Variants in MARCHF11 observed in about 807,000 individuals in gnomAD.
MARCHF11 encodes the protein membrane associated ring-CH-type finger 11.
In MARCHF11, 29 loss-of-function variants were observed where a neutral mutation model predicts 37.3. The ratio of observed to expected loss-of-function variants is 0.78; its 90% confidence interval spans 0.58 to 1.06. MARCHF11 has a LOEUF of 1.06. Ranked by LOEUF, MARCHF11 falls within the 50% of genes least tolerant of loss-of-function variation. The pLI is 0.00. For synonymous variants in MARCHF11, 233 were observed against 228.0 expected (o/e 1.02, Z -0.20); for missense variants, 482 against 533.4 (o/e 0.90, Z 0.95).
At chr5:16,119,365 TAA>T (rs879795389) in intron 2 of MARCHF11, among the ~76,000 whole-genome samples, 3 of 141,132 alleles carry the variant, frequency 2.1e-5, no homozygotes, top group South Asian at 4.5e-4. Flanking sequence ...CCATCTCAAT[TAA>T]AAAAAAAAAA....
chr5:16,158,526 T>C (rs1738016180), intron 2 of MARCHF11, among the ~76,000 whole-genome samples: 1 of 151,892 alleles, frequency 6.6e-6, no homozygotes, highest in Non-Finnish European at 1.5e-5. Context: ...CTCACCTGTA[T>C]ATGGAATCTA....
chr5:16,113,642 AT>A (rs1331046400), intron 2 of MARCHF11, among the ~76,000 whole-genome samples: 1 of 152,166 alleles, frequency 6.6e-6, no homozygotes, highest in Non-Finnish European at 1.5e-5. Context: ...TTTAAAAAAA[AT>A]GTAACACAGT....
At chr5:16,104,666 A>G (rs72738261) in intron 2 of MARCHF11, among the ~76,000 whole-genome samples, 4,680 of 150,024 alleles carry the variant, frequency 0.031, 94 homozygotes, top group Middle Eastern at 0.058. Context: ...AACCCCAAGG[A>G]AGGCCATTTA....
chr5:16,135,820 A>G (rs1469042324), intron 2 of MARCHF11, among the ~76,000 whole-genome samples: 7 of 151,890 alleles, frequency 4.6e-5, no homozygotes, highest in Admixed American at 2.0e-4. Context: ...AGATGTGGAA[A>G]AATACATCAA....
At chr5:16,167,091 A>G (rs561586256) in intron 2 of MARCHF11, among the ~76,000 whole-genome samples, 1 of 150,184 alleles carries the variant, frequency 6.7e-6, no homozygotes, top group South Asian at 2.1e-4. Context: ...TATCACTTTC[A>G]CACCATCATG....
chr5:16,148,648 A>T (rs1737843738), intron 2 of MARCHF11, among the ~76,000 whole-genome samples: 1 of 152,200 alleles, frequency 6.6e-6, no homozygotes, highest in Non-Finnish European at 1.5e-5. Flanking sequence ...AAGCAGACAT[A>T]CAGGCTGTAG....
chr5:16,091,691 G>A (rs1437171725), intron 2 of MARCHF11, among the ~76,000 whole-genome samples: 1 of 152,140 alleles, frequency 6.6e-6, no homozygotes, highest in Non-Finnish European at 1.5e-5. Context: ...AAGCCATGAA[G>A]TATTTTTGTC....
At position 16,067,318 on chromosome 5, in the gene MARCHF11, A is replaced by G; in HGVS notation, c.*153T>C. The G allele has an allele frequency of 1.5e-6, 1 of 672,778 alleles. No individual in the cohort carries two copies. Among genetic ancestry groups the G allele is most frequent in the Non-Finnish European group, 2.4e-6 (1 of 413,882 alleles). 41.7% of individuals were successfully genotyped at this position (672,778 alleles called of 1,614,324 possible). On this transcript the variant is annotated 3_prime_UTR_variant, in exon 4 of 4. Transcript: ENST00000332432. ...AGAACAAGAGGACTCTTTTTCTCAG[A>G]AAAATGTATTTGCAATTCAAATGTT...
intron 2 of MARCHF11, among the ~76,000 whole-genome samples, chr5:16,166,947 G>A (rs1424081863): frequency 1.4e-5 from 2 of 141,018 alleles, no homozygotes; most frequent in Non-Finnish European, 3.0e-5. Context: ...ACATATGAGT[G>A]TGAGGAACGT....
rs1254483616 is a variant in MARCHF11 at position 16,179,505 on chromosome 5, G to A, written c.71C>T (p.Pro24Leu). 92 of 1,168,242 alleles carry A rather than the reference G, an allele frequency of 7.9e-5. No homozygotes were observed. The highest frequency in any genetic ancestry group is 7.6e-4 in the South Asian group (18 of 23,834). 72.4% of individuals were successfully genotyped at this position (1,168,242 alleles called of 1,614,324 possible). Residue 24 changes from proline to leucine, a missense_variant, in exon 1 of 4, where the codon CCG becomes CTG. Pro to Leu is a moderately conservative substitution (Grantham distance 98). Transcript: ENST00000332432. ...GAESGDAEPPPQPPPPPPPTP... is the reference protein window; with the variant it reads ...GAESGDAEPPLQPPPPPPPTP... Reference sequence around the variant, plus strand: ...CGGCGGCGGCGGCGGGGGAGGTTGCGGGGGAGGCTCGGCGTCCCCGCTCTC... The same window carrying A: ...CGGCGGCGGCGGCGGGGGAGGTTGCAGGGGAGGCTCGGCGTCCCCGCTCTC...
chr5:16,101,686 A>G (rs2126563875), intron 2 of MARCHF11, among the ~76,000 whole-genome samples: 1 of 152,346 alleles, frequency 6.6e-6, no homozygotes, highest in East Asian at 1.9e-4. Context: ...TCATAACTAG[A>G]TTTACTTGTT....
At chr5:16,176,502 T>C (rs1171313386) in intron 2 of MARCHF11, among the ~76,000 whole-genome samples, 3 of 152,212 alleles carry the variant, frequency 2.0e-5, no homozygotes, top group African/African-American at 7.2e-5. Flanking sequence ...CATGATAATA[T>C]CACTCATCCA....
At chr5:16,129,188 A>C (rs193198770) in intron 2 of MARCHF11, 1 of 152,298 alleles carries the variant, frequency 6.6e-6, no homozygotes, top group Admixed American at 6.5e-5. Flanking sequence ...AACTGACATA[A>C]GCTGACACTC....
Position 16,117,071 on chromosome 5 carries a change from C to G in MARCHF11, c.694-25990G>C, listed in dbSNP as rs565093409. ...GGAAACACACTGAGAAGGACAAACA[C>G]ACCGATACTGCAGTAGTAACTGCAG... On this transcript the variant is annotated intron_variant, in intron 2 of 3. Transcript: ENST00000332432. Among the ~76,000 whole-genome samples, 4 of 152,250 alleles carry G rather than the reference C, an allele frequency of 2.6e-5. No homozygotes were observed. In the East Asian group the frequency reaches 7.7e-4, roughly 29 times the overall value.
Position 16,108,868 on chromosome 5 carries a change from C to G in MARCHF11, c.694-17787G>C, listed in dbSNP as rs567136653. 3.3e-5 allele frequency among the ~76,000 whole-genome samples: 5 copies of G among 152,196 alleles called. No homozygotes were observed. In the East Asian group the frequency reaches 9.7e-4, roughly 30 times the overall value. On this transcript the variant is annotated intron_variant, in intron 2 of 3. Coordinates refer to ENST00000332432, the MANE Select transcript of MARCHF11 (RefSeq NM_001102562.3). ...TGCTTGGAGTGCTTTATGGAGACAA[C>G]ATTTGTAAAGTGCATGCATGCATGA...
chr5:16,169,584 G>A lies in MARCHF11; in HGVS notation c.693+8142C>T, dbSNP rs866849703. Among the ~76,000 whole-genome samples, 3 of 152,184 alleles carry A rather than the reference G, an allele frequency of 2.0e-5. No homozygotes were observed. In the Middle Eastern group the frequency reaches 0.01, roughly 518 times the overall value. The stretch of plus-strand genomic sequence containing the variant: ...GATATAGAAATGTTTCTGGGTTCCT[G>A]TCATGTCTTATCATATAACAGGTTC... On this transcript the variant is annotated intron_variant, in intron 2 of 3. Transcript: ENST00000332432.
intron 2 of MARCHF11, among the ~76,000 whole-genome samples, chr5:16,125,597 C>T (rs76965359): frequency 0.025 from 3,782 of 150,504 alleles, 179 homozygotes; most frequent in African/African-American, 0.088. Flanking sequence ...CACCTCTCAG[C>T]TGGTGCACCC....
chr5:16,179,001 G>GC (rs1560997669), intron 1 of MARCHF11, 38 bp downstream of exon 1: 1 of 1,392,412 alleles, frequency 7.2e-7, no homozygotes, highest in South Asian at 1.5e-5. Context: ...GCGAGCTGGA[G>GC]CCGCCACCGG....
intron 2 of MARCHF11, among the ~76,000 whole-genome samples, chr5:16,114,154 A>T (rs1478594272): frequency 1.3e-5 from 2 of 152,074 alleles, no homozygotes; most frequent in Non-Finnish European, 2.9e-5. Flanking sequence ...AATATTCTAC[A>T]TTTTCTTTAT....
Sources: gnomAD v4.1 joint callset for allele counts (sites outside exome capture counted in the v4.1 genomes callset) on GRCh38, gnomAD v4.1.1 for gene constraint, MANE v1.5 for transcripts, NCBI Gene and HGNC (gene_info 2026-07-23, HGNC 2026-07-21) for gene names.